The following GLUL variants were observed in gnomAD, a reference collection of about 807,000 sequenced individuals.
The protein encoded by GLUL is glutamate-ammonia ligase.
A neutral mutation model predicts 36.9 loss-of-function variants in GLUL; 8 were observed. The observed-to-expected ratio is 0.22, with a 90% CI of 0.13 to 0.39. The LOEUF is 0.39. GLUL is among the 10% of genes least tolerant of loss of function. GLUL has a pLI of 1.00. For missense variants in GLUL, 315 were observed against 501.8 expected, an observed-to-expected ratio of 0.63 and a Z score of 3.56; for synonymous variants, 182 against 172.8, an observed-to-expected ratio of 1.05 and a Z score of -0.42.
At position 182,385,899 on chromosome 1, in the gene GLUL, T is replaced by A. The variant is rs1422444168; in HGVS notation, c.476-12A>T. The A allele has an allele frequency of 6.2e-7, 1 of 1,613,408 alleles. No homozygotes were observed. On this transcript the variant is annotated splice_polypyrimidine_tract_variant and intron_variant, in intron 4 of 6. Transcript: ENST00000331872. ...ACAGTAATATGGACCTACAGAAGCA[T>A]CAGGACAAAACACTAAGAGTCAAGA...
intron 1 of GLUL, 89 bp from the exon 2 acceptor site, chr1:182,388,839 A>T: frequency 1.0e-6 from 1 of 998,056 alleles, no homozygotes; most frequent in Non-Finnish European, 1.6e-6. Context: ...CTGAATCAAA[A>T]GTCAGAGTGT....
intron 4 of GLUL, 136 bp from the exon 5 acceptor site, chr1:182,386,023 G>T: frequency 2.1e-6 from 2 of 955,590 alleles, no homozygotes; most frequent in East Asian, 2.4e-5. Context: ...GGCAGGGGAG[G>T]GGCAATAGGG....
Position 182,382,952 on chromosome 1 carries a change from TGAG to T in GLUL, c.*1450_*1452del, listed in dbSNP as rs1397834215. 3 of 152,192 alleles carry T rather than the reference TGAG, an allele frequency of 2.0e-5. No individual in the cohort carries two copies. Among genetic ancestry groups the T allele is most frequent in the Admixed American group, 6.5e-5 (1 of 15,282 alleles). 9.4% of individuals were successfully genotyped at this position (152,192 alleles called of 1,614,324 possible). A position where few individuals can be genotyped will look rare whatever the true frequency, so the allele number is the denominator to read the frequency against. On this transcript the variant is annotated 3_prime_UTR_variant, in exon 7 of 7. Coordinates refer to ENST00000331872, the MANE Select transcript of GLUL (RefSeq NM_001033044.4). ...GGGCAGTTACACAGTTTGTTTACAA[TGAG>T]GAGTTATTTGACTTTGAACATACTG...
At chr1:182,388,451 G>T in intron 2 of GLUL, 121 bp downstream of exon 2, 2 of 868,002 alleles carry the variant, frequency 2.3e-6, no homozygotes, top group Admixed American at 1.9e-5. Flanking sequence ...GAAAAGCCCT[G>T]CCTTAGAAAA....
chr1:182,384,918 T>C lies in GLUL; in HGVS notation c.804-195A>G, dbSNP rs568487982. 4.9e-6 allele frequency: 3 copies of C among 618,490 alleles called. No individual in the cohort carries two copies. The African/African-American group carries it at 5.5e-5, about 11-fold the overall frequency. The allele number at this position is 618,490 out of a possible 1,614,324, so 38.3% of individuals were successfully genotyped here. On this transcript the variant is annotated intron_variant, in intron 6 of 6. Transcript: ENST00000331872. ...AGTTACTGTTTGTTGAAAAGACTAATCATTTGAAACTTTCTCCCCCTCATA... is the reference window on the plus strand; with the variant it reads ...AGTTACTGTTTGTTGAAAAGACTAACCATTTGAAACTTTCTCCCCCTCATA...
chr1:182,388,647 T>C lies in GLUL; in HGVS notation c.91A>G (p.Ile31Val). 1.2e-6 allele frequency: 2 copies of C among 1,613,498 alleles called. No homozygotes were observed. Among genetic ancestry groups the C allele is most frequent in the East Asian group, 4.5e-5 (2 of 44,880 alleles). The change falls in exon 2 of 7, where the codon ATC becomes GTC. Residue 31 changes from isoleucine (I) to valine (V), a missense_variant. This residue lies in a region of GLUL where 256 missense variants were observed against 396.1 expected (regional missense o/e 0.65). Transcript: ENST00000331872. ...PQGEKVQAMY[I>V]WIDGTGEGLR... ...CCTTCTCCAGTACCATCGATCCAGA[T>C]ATACATGGCCTGGACTTTCTCACCC... is the stretch of plus-strand genomic sequence containing the variant.
Position 182,385,044 on chromosome 1 carries a change from G to A in GLUL, c.803+313C>T, listed in dbSNP as rs79758387. On this transcript the variant is annotated intron_variant, in intron 6 of 6. Transcript: ENST00000331872. Reference sequence around the variant, plus strand: ...ACTTTTCCCTGTCACCATGACATATGTCACAAATATATATATCGATATATA... The same window carrying A: ...ACTTTTCCCTGTCACCATGACATATATCACAAATATATATATCGATATATA... The A allele has an allele frequency of 3.2e-4, 93 of 287,384 alleles. No individual in the cohort carries two copies. In the East Asian group the frequency reaches 7.1e-3, roughly 22 times the overall value. The allele number at this position is 287,384 out of a possible 1,614,324, so 17.8% of individuals were successfully genotyped here.
At chr1:182,386,593 TAGGAAGACTCTG>T in intron 3 of GLUL, 191 bp from the exon 4 acceptor site, 1 of 650,480 alleles carries the variant, frequency 1.5e-6, no homozygotes, top group Middle Eastern at 2.5e-4. Context: ...TGTACATCTG[TAGGAAGACTCTG>T]AAAGACTTCA....
intron 6 of GLUL, 181 bp from the exon 7 acceptor site, chr1:182,384,904 G>A (rs1650105846): frequency 1.6e-6 from 1 of 637,124 alleles, no homozygotes; most frequent in Non-Finnish European, 2.8e-6. Flanking sequence ...GTTACTGTTT[G>A]TTGAAAAGAC....
At chr1:182,389,745 G>A (rs1650328888) in intron 1 of GLUL, 1 of 152,214 alleles carries the variant, frequency 6.6e-6, no homozygotes, top group Admixed American at 6.5e-5. Flanking sequence ...GGCTAGAAAG[G>A]GAACACATTG....
At chr1:182,388,956 G>A (rs913124005) in intron 1 of GLUL, 3 of 541,924 alleles carry the variant, frequency 5.5e-6, no homozygotes, top group Non-Finnish European at 1.0e-5. Flanking sequence ...TTTATAATAG[G>A]CTGTAAAACT....
At chr1:182,390,670 C>G (rs796589439) in intron 1 of GLUL, 11 of 399,336 alleles carry the variant, frequency 2.8e-5, no homozygotes, top group African/African-American at 1.8e-4. Context: ...GGGGGGTGTC[C>G]GAACAGGCAG....
At position 182,378,298 on chromosome 1, in the gene GLUL, A is replaced by G. The variant is rs1405545709; in HGVS notation, c.*6107T>C. Among the ~76,000 whole-genome samples the G allele has an allele frequency of 6.6e-6, 1 of 152,206 alleles. No individual in the cohort carries two copies. The highest frequency in any genetic ancestry group is 1.9e-4 in the East Asian group (1 of 5,202). On this transcript the variant is annotated 3_prime_UTR_variant, in exon 7 of 7. Coordinates refer to ENST00000331872, the MANE Select transcript of GLUL (RefSeq NM_001033044.4). ...AAAAGAGGACAACTTGCTCAGGTAC[A>G]AGGCCCCTGAAAAGTAACTCATCAA...
rs1388909646 is a variant in GLUL, at chr1:182,380,811, TA to T, written c.*3593del. Among the ~76,000 whole-genome samples the T allele has an allele frequency of 6.6e-6, 1 of 152,360 alleles. No individual in the cohort carries two copies. The highest frequency in any genetic ancestry group is 2.4e-5 in the African/African-American group (1 of 41,586). On this transcript the variant is annotated 3_prime_UTR_variant, in exon 7 of 7. Coordinates refer to ENST00000331872, the MANE Select transcript of GLUL (RefSeq NM_001033044.4). Reference sequence around the variant, plus strand: ...ATCTCTTGCTTTCATGAAGTTCAACTAGAAAGTCCTGTCGAATGATGAGACA... The same window carrying T: ...ATCTCTTGCTTTCATGAAGTTCAACTGAAAGTCCTGTCGAATGATGAGACA...
Position 182,384,587 on chromosome 1 carries a change from C to T in GLUL, c.940G>A (p.Ala314Thr). 1 of 1,614,188 alleles carries T rather than the reference C, an allele frequency of 6.2e-7. No individual in the cohort carries two copies. The highest frequency in any genetic ancestry group is 8.5e-7 in the Non-Finnish European group (1 of 1,180,034). Residue 314 changes from alanine (A) to threonine (T), a missense_variant, in exon 7 of 7, where the codon GCT (alanine) becomes ACT (threonine). Ala to Thr is a moderately conservative substitution (Grantham distance 58). This residue lies in a region of GLUL where 58 missense variants were observed against 89.5 expected (regional missense o/e 0.65). Coordinates refer to ENST00000331872, the MANE Select transcript of GLUL (RefSeq NM_001033044.4). ...HETSNINDFS[A>T]GVANRSASIR... ...CTGGCGCTACGATTGGCTACACCAG[C>T]AGAAAAGTCGTTGATGTTGGAGGTT... is the stretch of plus-strand genomic sequence containing the variant.
Position 182,385,843 on chromosome 1 carries a change from C to T in GLUL, c.520G>A (p.Asp174Asn). The T allele has an allele frequency of 6.2e-7, 1 of 1,613,832 alleles. No individual in the cohort carries two copies. Among genetic ancestry groups the T allele is most frequent in the Non-Finnish European group, 8.5e-7 (1 of 1,179,690 alleles). ...GCCCGGTAATGGGCCTCCACGATGT[C>T]CCTGCCATAGGCTCTGTCTGCTCCC... ...GVGADRAYGR[D>N]IVEAHYRACL... is the part of the protein sequence containing the mutation. The change falls in exon 5 of 7, where the codon GAC becomes AAC. Residue 174 changes from aspartate to asparagine, a missense_variant. Physicochemically the swap from Asp to Asn is conservative, Grantham distance 23 (BLOSUM62 1). Transcript: ENST00000331872.
In GLUL at chr1:182,380,981, G is replaced by A. The variant is rs1309742794; in HGVS notation, c.*3424C>T. ...TACATGGCCCTAGGCCGGGTGCAGT[G>A]GCTCACGCCTGTAATCCCAGCACTT... On this transcript the variant is annotated 3_prime_UTR_variant, in exon 7 of 7. Coordinates refer to ENST00000331872, the MANE Select transcript of GLUL (RefSeq NM_001033044.4). Among the ~76,000 whole-genome samples, 1 of 152,248 alleles carries A rather than the reference G, an allele frequency of 6.6e-6. No homozygotes were observed. The highest frequency in any genetic ancestry group is 2.4e-5 in the African/African-American group (1 of 41,472).
intron 4 of GLUL, 112 bp from the exon 5 acceptor site, chr1:182,385,999 A>G (rs1244974314): frequency 1.7e-6 from 2 of 1,155,638 alleles, no homozygotes; most frequent in South Asian, 2.5e-5. Context: ...CCTTGCCTTC[A>G]TCTGCAGGTG....
Position 182,378,943 on chromosome 1 carries a change from G to A in GLUL, c.*5462C>T, listed in dbSNP as rs540370971. Among the ~76,000 whole-genome samples, 22 of 151,902 alleles carry A rather than the reference G, an allele frequency of 1.4e-4. No individual in the cohort carries two copies. Among genetic ancestry groups the A allele is most frequent in the African/African-American group, 4.8e-4 (20 of 41,432 alleles). ...ATTACAGGTGCTCACCACCAAGCCCGGCTAATTTTTGTATTTTTAGTAGAG... is the reference window on the plus strand; with the variant it reads ...ATTACAGGTGCTCACCACCAAGCCCAGCTAATTTTTGTATTTTTAGTAGAG... On this transcript the variant is annotated 3_prime_UTR_variant, in exon 7 of 7. Coordinates refer to ENST00000331872, the MANE Select transcript of GLUL (RefSeq NM_001033044.4).
Sources: gnomAD v4.1 joint callset for allele counts (sites outside exome capture counted in the v4.1 genomes callset) on GRCh38, gnomAD v4.1.1 for gene constraint, gnomAD v4.1.1 regional missense constraint, MANE v1.5 for transcripts, NCBI Gene and HGNC (gene_info 2026-07-23, HGNC 2026-07-21) for gene names.